EDIL3: variants seen among roughly 807,000 people sequenced by gnomAD.
EDIL3 encodes the protein EGF-like repeat and discoidin I-like domain-containing protein 3.
Under a neutral mutation model 67.4 loss-of-function variants are expected in EDIL3, and 37 were observed. The ratio of observed to expected loss-of-function variants is 0.55; its 90% CI spans 0.42 to 0.72. EDIL3 has a LOEUF of 0.72. EDIL3 is among the 30% of genes least tolerant of loss of function. The pLI, the probability that EDIL3 is intolerant of heterozygous loss-of-function variation, is 0.00. For missense variants in EDIL3, 527 were observed against 586.3 expected, an observed-to-expected ratio of 0.90 and a Z score of 1.04; for synonymous variants, 195 against 196.3, an observed-to-expected ratio of 0.99 and a Z score of 0.05.
intron 1 of EDIL3, among the ~76,000 whole-genome samples, chr5:84,380,390 T>G (rs1055155380): frequency 4.6e-5 from 7 of 152,022 alleles, no homozygotes; most frequent in African/African-American, 1.7e-4. Context: ...AAAAAGTAAA[T>G]GATTAACTAT....
chr5:84,073,191 G>T (rs1041337158), intron 6 of EDIL3, among the ~76,000 whole-genome samples: 1 of 152,050 alleles, frequency 6.6e-6, no homozygotes, highest in East Asian at 1.9e-4. Flanking sequence ...TTGATGGGAC[G>T]TATCTCAAAA....
chr5:84,116,430 A>G (rs1250662762), intron 5 of EDIL3, among the ~76,000 whole-genome samples: 1 of 152,160 alleles, frequency 6.6e-6, no homozygotes, highest in African/African-American at 2.4e-5. Context: ...TTAGAAGATA[A>G]TAGGTAATAC....
Position 84,292,619 on chromosome 5 carries a change from A to AT in EDIL3, c.68-38408dup, listed in dbSNP as rs545368255. On this transcript the variant is annotated intron_variant, in intron 1 of 10. Transcript: ENST00000296591. ...AGTGGTAATGCTATAATTATATCCT[A>AT]TTTTTTTAAGATTTGAATATATCCT... Among the ~76,000 whole-genome samples, 344 of 152,230 alleles carry AT rather than the reference A, an allele frequency of 2.3e-3. 2 individuals are homozygous for AT. Among genetic ancestry groups the AT allele is most frequent in the Non-Finnish European group, 3.6e-3 (247 of 68,020 alleles).
chr5:83,944,171 C>G (rs1362740523), intron 10 of EDIL3, among the ~76,000 whole-genome samples: 1 of 151,570 alleles, frequency 6.6e-6, no homozygotes, highest in Non-Finnish European at 1.5e-5. Flanking sequence ...CTAACGGCCT[C>G]TATCACAGTG....
intron 9 of EDIL3, among the ~76,000 whole-genome samples, chr5:84,013,903 TATA>T (rs1745556494): frequency 6.6e-6 from 1 of 152,170 alleles, no homozygotes; most frequent in South Asian, 2.1e-4. Context: ...CCAATTATAT[TATA>T]TCATATAGAT....
At chr5:83,960,782 TAA>T (rs1486968833) in intron 10 of EDIL3, among the ~76,000 whole-genome samples, 4 of 150,964 alleles carry the variant, frequency 2.6e-5, no homozygotes, top group Admixed American at 6.6e-5. Context: ...TTGATTAATC[TAA>T]AAGAGTGCAA....
intron 1 of EDIL3, among the ~76,000 whole-genome samples, chr5:84,347,805 T>C (rs1465006813): frequency 1.3e-5 from 2 of 152,196 alleles, no homozygotes; most frequent in Non-Finnish European, 2.9e-5. Flanking sequence ...TAGAAAGGAG[T>C]CAGCATCCAT....
rs1010734078 is a variant in EDIL3, at chr5:84,123,088, C to T, written c.469+14153G>A. On this transcript the variant is annotated intron_variant, in intron 5 of 10. Transcript: ENST00000296591. ...CTCTCTACAATTTAATAACTATTTTCACATTTCCTCTTTTAAGAAAGCCTA... is the reference window on the plus strand; with the variant it reads ...CTCTCTACAATTTAATAACTATTTTTACATTTCCTCTTTTAAGAAAGCCTA... Among the ~76,000 whole-genome samples the T allele has an allele frequency of 1.2e-4, 18 of 151,870 alleles. 1 individual carries two copies. The highest frequency in any genetic ancestry group is 9.9e-4 in the Admixed American group (15 of 15,178).
chr5:84,348,136 C>T (rs549083126), intron 1 of EDIL3, among the ~76,000 whole-genome samples: 10 of 152,274 alleles, frequency 6.6e-5, no homozygotes, highest in African/African-American at 2.4e-4. Context: ...GTGACCTGAG[C>T]TTAATTCCAC....
intron 2 of EDIL3, among the ~76,000 whole-genome samples, chr5:84,249,818 G>A (rs1448054324): frequency 6.6e-6 from 1 of 152,126 alleles, no homozygotes; most frequent in Non-Finnish European, 1.5e-5. Context: ...TGATAGGCTG[G>A]GAGAGGTGGC....
Position 84,231,120 on chromosome 5 carries a change from T to C in EDIL3, c.197-1236A>G, listed in dbSNP as rs1445750. Among the ~76,000 whole-genome samples the C allele has an allele frequency of 7.4e-3, 1,123 of 152,318 alleles. 13 individuals carry two copies. The highest frequency in any genetic ancestry group is 0.026 in the African/African-American group (1,063 of 41,584). Reference sequence around the variant, plus strand: ...TTGAGGTATTACTAGGCAATATCAATGTAAGATAACATTAACTGTAACTCA... The same window carrying C: ...TTGAGGTATTACTAGGCAATATCAACGTAAGATAACATTAACTGTAACTCA... On this transcript the variant is annotated intron_variant, in intron 2 of 10. Coordinates refer to ENST00000296591, the MANE Select transcript of EDIL3 (RefSeq NM_005711.5).
At chr5:84,141,514 ACAT>A (rs1748188223) in intron 4 of EDIL3, among the ~76,000 whole-genome samples, 1 of 147,338 alleles carries the variant, frequency 6.8e-6, no homozygotes, top group Non-Finnish European at 1.5e-5. Flanking sequence ...ATAATATATT[ACAT>A]ATATGCGATA....
intron 1 of EDIL3, among the ~76,000 whole-genome samples, chr5:84,382,419 G>A (rs1748098803): frequency 6.6e-6 from 1 of 151,396 alleles, no homozygotes; most frequent in Non-Finnish European, 1.5e-5. Flanking sequence ...GGCAAGCGCG[G>A]CCACATAGGC....
At chr5:83,958,649 T>A (rs1744555372) in intron 10 of EDIL3, among the ~76,000 whole-genome samples, 1 of 151,460 alleles carries the variant, frequency 6.6e-6, no homozygotes. Flanking sequence ...ACTAATATAC[T>A]GGATGAGAAA....
intron 1 of EDIL3, among the ~76,000 whole-genome samples, chr5:84,382,207 C>T (rs1226989695): frequency 6.6e-6 from 1 of 152,214 alleles, no homozygotes; most frequent in Non-Finnish European, 1.5e-5. Flanking sequence ...AGGGAGAAAT[C>T]TCCTGAAGAA....
At chr5:84,083,160 T>A (rs1253830564) in intron 6 of EDIL3, among the ~76,000 whole-genome samples, 4 of 152,216 alleles carry the variant, frequency 2.6e-5, no homozygotes, top group African/African-American at 9.6e-5. Flanking sequence ...ATAAAATAGC[T>A]TAAAGTGTAT....
At chr5:83,998,636 A>G (rs1380283192) in intron 9 of EDIL3, among the ~76,000 whole-genome samples, 4 of 152,168 alleles carry the variant, frequency 2.6e-5, no homozygotes, top group Admixed American at 6.5e-5. Context: ...GAGACTCCCA[A>G]TTTCTCTAAT....
intron 9 of EDIL3, among the ~76,000 whole-genome samples, chr5:84,046,004 A>G (rs1029207096): frequency 6.6e-6 from 1 of 152,252 alleles, no homozygotes; most frequent in Non-Finnish European, 1.5e-5. Context: ...ACTATGAGCA[A>G]GCTCGCTGGA....
chr5:84,213,191 GTTTT>G (rs34340201), intron 3 of EDIL3, among the ~76,000 whole-genome samples: 1 of 149,080 alleles, frequency 6.7e-6, no homozygotes, highest in Non-Finnish European at 1.5e-5. Context: ...ATTTTCAGTG[GTTTT>G]TTTTTTTTGA....
Sources: gnomAD v4.1 joint callset for allele counts (sites outside exome capture counted in the v4.1 genomes callset) on GRCh38, gnomAD v4.1.1 for gene constraint, MANE v1.5 for transcripts, NCBI Gene and HGNC (gene_info 2026-07-23, HGNC 2026-07-21) for gene names.